Variants in STRAP observed in about 807,000 individuals in gnomAD.
STRAP encodes serine/threonine kinase receptor associated protein, also known as serine-threonine kinase receptor-associated protein.
STRAP carries 16 observed loss-of-function variants against 47.0 expected under a neutral mutation model. That is an observed-to-expected ratio of 0.34 (90% CI 0.23 to 0.52). STRAP has a LOEUF of 0.52. Ranked by LOEUF, STRAP falls within the 20% of genes least tolerant of loss-of-function variation. The pLI is 0.96. For synonymous variants in STRAP, 130 were observed against 142.7 expected (o/e 0.91, Z 0.63); for missense variants, 293 against 420.0 (o/e 0.70, Z 2.64).
chr12:15,883,589 C>T lies in STRAP; in HGVS notation c.161C>T (p.Thr54Ile). 6.2e-7 allele frequency: 1 copy of T among 1,614,110 alleles called. No homozygotes were observed. The highest frequency in any genetic ancestry group is 8.5e-7 in the Non-Finnish European group (1 of 1,180,044). ...GGAGATACAGGAGACTGGATTGGAA[C>T]ATTTTTGGGTCATAAAGGTGCTGTT... Reference protein sequence around the residue: ...RQGDTGDWIGTFLGHKGAVWG... With the variant: ...RQGDTGDWIGIFLGHKGAVWG... The change falls in exon 2 of 10, where the codon ACA becomes ATA. Residue 54 changes from threonine to isoleucine, a missense_variant. Thr to Ile is a moderately conservative substitution (Grantham distance 89). This residue lies in a region of STRAP where 32 missense variants were observed against 76.1 expected (regional missense o/e 0.42). Coordinates refer to ENST00000419869, the MANE Select transcript of STRAP (RefSeq NM_007178.4).
At chr12:15,889,195 C>CGA (rs1204178334) in intron 2 of STRAP, among the ~76,000 whole-genome samples, 3 of 152,062 alleles carry the variant, frequency 2.0e-5, no homozygotes, top group Non-Finnish European at 2.9e-5. Flanking sequence ...TCAACTATTA[C>CGA]CCGCCCAGAA....
intron 2 of STRAP, among the ~76,000 whole-genome samples, chr12:15,886,195 G>A (rs1212541937): frequency 2.0e-5 from 3 of 151,696 alleles, no homozygotes; most frequent in Non-Finnish European, 4.4e-5. Flanking sequence ...ATCATCATAG[G>A]ATTTTTTTTT....
At position 15,882,796 on chromosome 12, in the gene STRAP, A is replaced by G; in HGVS notation, c.89A>G (p.Tyr30Cys). ...TTCAGTGGCATCACGCCTTATGGGTATTTCTTAATCAGCGCTTGCAAAGGT... is the reference window on the plus strand; with the variant it reads ...TTCAGTGGCATCACGCCTTATGGGTGTTTCTTAATCAGCGCTTGCAAAGGT... ...LAFSGITPYG[Y>C]FLISACKDGK... The change falls in exon 1 of 10, where the codon TAT becomes TGT. Residue 30 changes from tyrosine to cysteine, a missense_variant. By Grantham distance (194) the Tyr-to-Cys change is radical. This residue lies in a region of STRAP where 31 missense variants were observed against 39.2 expected (regional missense o/e 0.79). Coordinates refer to ENST00000419869, the MANE Select transcript of STRAP (RefSeq NM_007178.4). 1.9e-6 allele frequency: 3 copies of G among 1,613,600 alleles called. No homozygotes were observed. Among genetic ancestry groups the G allele is most frequent in the South Asian group, 1.1e-5 (1 of 90,912 alleles).
intron 1 of STRAP, 67 bp from the exon 2 acceptor site, chr12:15,883,474 A>G: frequency 6.6e-7 from 1 of 1,510,440 alleles, no homozygotes; most frequent in South Asian, 1.2e-5. Flanking sequence ...TTGTATATTT[A>G]CATTTGAATC....
At chr12:15,900,090 A>G in intron 8 of STRAP, 37 bp downstream of exon 8, 2 of 1,569,958 alleles carry the variant, frequency 1.3e-6, no homozygotes, top group Non-Finnish European at 1.7e-6. Context: ...AATTTTTAAA[A>G]TGCATGATTT....
In STRAP at chr12:15,882,506, G is replaced by T; in HGVS notation, c.-202G>T. ...CCCTTTCCCTCCCTCGTCGACTGTT[G>T]CTTGCTGGTCGCAGACTCCCTGACC... On this transcript the variant is annotated 5_prime_UTR_variant, in exon 1 of 10. Transcript: ENST00000419869. 1.9e-5 allele frequency: 8 copies of T among 426,500 alleles called. No homozygotes were observed. The highest frequency in any genetic ancestry group is 3.1e-5 in the Non-Finnish European group (7 of 229,140). 26.4% of individuals were successfully genotyped at this position (426,500 alleles called of 1,614,324 possible).
intron 2 of STRAP, among the ~76,000 whole-genome samples, chr12:15,886,423 C>T (rs954529777): frequency 1.3e-4 from 20 of 152,110 alleles, no homozygotes; most frequent in African/African-American, 4.8e-4. Context: ...TGGGCTCAAG[C>T]GATCTGCCCA....
Position 15,895,306 on chromosome 12 carries a change from A to T in STRAP, c.501-53A>T, listed in dbSNP as rs564357134. 2.7e-5 allele frequency: 37 copies of T among 1,364,772 alleles called. No homozygotes were observed. In the South Asian group the frequency reaches 5.7e-4, roughly 21 times the overall value. 84.5% of individuals were successfully genotyped at this position (1,364,772 alleles called of 1,614,324 possible). ...TAATCTGCAGATGTAATTAGAATTT[A>T]TAAACTTTTTTCTTACATGAGTAAA... On this transcript the variant is annotated intron_variant, in intron 5 of 9. Transcript: ENST00000419869.
intron 4 of STRAP, among the ~76,000 whole-genome samples, chr12:15,893,144 G>C (rs556295842): frequency 6.6e-6 from 1 of 152,018 alleles, no homozygotes; most frequent in Non-Finnish European, 1.5e-5. Flanking sequence ...GAAGTTCTTC[G>C]AAAGGATAAT....
chr12:15,893,454 A>G (rs930480129), intron 4 of STRAP, among the ~76,000 whole-genome samples: 4 of 146,966 alleles, frequency 2.7e-5, no homozygotes, highest in South Asian at 2.1e-4. Flanking sequence ...TTTATTATAC[A>G]TATAATAAAT....
In STRAP at chr12:15,899,989, A is replaced by C; in HGVS notation, c.861A>C (p.Gly287=). 1 of 1,613,908 alleles carries C rather than the reference A, an allele frequency of 6.2e-7. No individual in the cohort carries two copies. The highest frequency in any genetic ancestry group is 8.5e-7 in the Non-Finnish European group (1 of 1,179,854). ...GELYASGSED[G]TLRLWQTVVG... is the part of the protein sequence containing the mutation. ...TCTATGCCAGTGGTTCAGAAGATGG[A>C]ACATTGAGACTATGGCAAACTGTGG... The change falls in exon 8 of 10, where the codon GGA becomes GGC. Residue 287 remains glycine, a synonymous_variant. Coordinates refer to ENST00000419869, the MANE Select transcript of STRAP (RefSeq NM_007178.4).
At chr12:15,898,554 C>T (rs1214309278) in intron 7 of STRAP, among the ~76,000 whole-genome samples, 1 of 151,942 alleles carries the variant, frequency 6.6e-6, no homozygotes, top group Non-Finnish European at 1.5e-5. Context: ...TTTATTTATT[C>T]TGTTTTGGAG....
At chr12:15,889,276 A>G (rs1484232444) in intron 2 of STRAP, among the ~76,000 whole-genome samples, 3 of 152,140 alleles carry the variant, frequency 2.0e-5, no homozygotes, top group Non-Finnish European at 4.4e-5. Flanking sequence ...GGACAGAAAA[A>G]ACAATGTAAA....
At chr12:15,892,612 G>T (rs974473659) in intron 4 of STRAP, among the ~76,000 whole-genome samples, 3 of 152,140 alleles carry the variant, frequency 2.0e-5, no homozygotes, top group African/African-American at 7.2e-5. Context: ...CCATTTCTGA[G>T]AACTTTTTAA....
At position 15,898,008 on chromosome 12, in the gene STRAP, A is replaced by G. The variant is rs1259129330; in HGVS notation, c.765A>G (p.Gly255=). 6.2e-7 allele frequency: 1 copy of G among 1,600,850 alleles called. No individual in the cohort carries two copies. The highest frequency in any genetic ancestry group is 1.7e-4 in the Middle Eastern group (1 of 6,020). ...TTTATAAGTATGATTATAATAGTGGAGAAGAATTAGGTGAGTTGTCCCCTT... is the reference window on the plus strand; with the variant it reads ...TTTATAAGTATGATTATAATAGTGGGGAAGAATTAGGTGAGTTGTCCCCTT... ...FKLYKYDYNS[G]EELESYKGHF... is the part of the protein sequence containing the mutation. The change falls in exon 7 of 10, where the codon GGA becomes GGG. Residue 255 remains glycine (G), a synonymous_variant. Coordinates refer to ENST00000419869, the MANE Select transcript of STRAP (RefSeq NM_007178.4).
At position 15,896,674 on chromosome 12, in the gene STRAP, T is replaced by C. The variant is rs1453935958; in HGVS notation, c.638+1178T>C. Among the ~76,000 whole-genome samples the C allele has an allele frequency of 2.0e-5, 3 of 152,230 alleles. No individual in the cohort carries two copies. The highest frequency in any genetic ancestry group is 7.2e-5 in the African/African-American group (3 of 41,464). On this transcript the variant is annotated intron_variant, in intron 6 of 9. Transcript: ENST00000419869. The surrounding 1 kb of genome is among the most constrained non-coding windows in gnomAD (Gnocchi z 4.1). The stretch of plus-strand genomic sequence containing the variant: ...TATTTGCATCATAGGTTGTACTAAA[T>C]TATGGGTTAGTTTCCCTGTTTTAGC...
At chr12:15,898,075 A>C in intron 7 of STRAP, 57 bp downstream of exon 7, 3 of 1,432,084 alleles carry the variant, frequency 2.1e-6, no homozygotes, top group African/African-American at 1.5e-5. Flanking sequence ...AGTCCCAGTA[A>C]TTAACACCTC....
rs749702060 is a variant in STRAP, at chr12:15,885,180, GT to G, written c.248+1529del. Among the ~76,000 whole-genome samples the G allele has an allele frequency of 7.3e-3, 726 of 99,572 alleles. 2 individuals are homozygous for G. The highest frequency in any genetic ancestry group is 8.2e-3 in the South Asian group (26 of 3,176). The allele number at this position is 99,572 out of a possible 152,430, so 65.3% of individuals were successfully genotyped here. A position where few individuals can be genotyped will look rare whatever the true frequency, so the allele number is the denominator to read the frequency against. ...TAAGAGGCTAGAGAGTACAAGTGGTGTTTTTTTTTTTTTTTTTTTTTTTTTA... is the reference window on the plus strand; with the variant it reads ...TAAGAGGCTAGAGAGTACAAGTGGTGTTTTTTTTTTTTTTTTTTTTTTTTA... On this transcript the variant is annotated intron_variant, in intron 2 of 9. Transcript: ENST00000419869.
intron 2 of STRAP, among the ~76,000 whole-genome samples, chr12:15,889,437 G>A (rs1409584848): frequency 6.6e-6 from 1 of 152,024 alleles, no homozygotes; most frequent in Non-Finnish European, 1.5e-5. Flanking sequence ...ATTTTACTTA[G>A]CCTGTACCAA....
Sources: gnomAD v4.1 joint callset for allele counts (sites outside exome capture counted in the v4.1 genomes callset) on GRCh38, gnomAD v4.1.1 for gene constraint, gnomAD v4.1.1 regional missense constraint, Gnocchi (gnomAD v3.1) non-coding constraint, MANE v1.5 for transcripts, NCBI Gene and HGNC (gene_info 2026-07-23, HGNC 2026-07-21) for gene names.